RUNX2: variants seen among roughly 807,000 people sequenced by gnomAD.
RUNX2 encodes the protein runt-related transcription factor 2.
RUNX2 carries 10 observed loss-of-function variants against 51.7 expected under a neutral mutation model. That is an observed-to-expected ratio of 0.19 (90% CI 0.12 to 0.33). RUNX2 has a LOEUF of 0.33. Among genes scored for constraint, RUNX2 ranks in the 10% least tolerant of loss-of-function variants. The pLI, the probability that RUNX2 is intolerant of heterozygous loss-of-function variation, is 1.00. For synonymous variants in RUNX2, 276 were observed against 273.6 expected, an observed-to-expected ratio of 1.01 and a Z score of -0.09; for missense variants, 562 against 691.3, an observed-to-expected ratio of 0.81 and a Z score of 2.10.
At position 45,328,784 on chromosome 6, in the gene RUNX2, GGTAA is replaced by G; in HGVS notation, c.58+3_58+6del. The G allele has an allele frequency of 6.2e-7, 1 of 1,611,764 alleles. No homozygotes were observed. The highest frequency in any genetic ancestry group is 8.5e-7 in the Non-Finnish European group (1 of 1,178,472). On this transcript the variant is annotated splice_donor_variant and splice_donor_region_variant and intron_variant, in intron 2 of 8. Coordinates refer to ENST00000647337, the MANE Select transcript of RUNX2 (RefSeq NM_001024630.4). LOFTEE classifies it high-confidence loss of function. ...ACCATGTCAGCAAAACTTCTTTTGGGGTAAGTGTTACCATTTTTAAAATCCTGTA... is the reference window on the plus strand; with the variant it reads ...ACCATGTCAGCAAAACTTCTTTTGGGGTGTTACCATTTTTAAAATCCTGTA...
At chr6:45,368,716 T>C (rs1320581334) in intron 2 of RUNX2, among the ~76,000 whole-genome samples, 1 of 152,164 alleles carries the variant, frequency 6.6e-6, no homozygotes, top group Non-Finnish European at 1.5e-5. Context: ...TCTATATTGC[T>C]GAAGAAAACT....
At position 45,328,463 on chromosome 6, in the gene RUNX2, G is replaced by C; in HGVS notation, c.-67+3G>C. ...AGCCACCGAGACCAACAGAGTCAGT[G>C]AGTGCTCTCTAACCACAGTCTATGC... On this transcript the variant is annotated splice_donor_region_variant and intron_variant, in intron 1 of 8. Coordinates refer to ENST00000647337, the MANE Select transcript of RUNX2 (RefSeq NM_001024630.4). The C allele has an allele frequency of 6.8e-7, 1 of 1,475,134 alleles. No individual in the cohort carries two copies. Among genetic ancestry groups the C allele is most frequent in the Non-Finnish European group, 9.2e-7 (1 of 1,092,248 alleles). 91.4% of individuals were successfully genotyped at this position (1,475,134 alleles called of 1,614,324 possible). A position where few individuals can be genotyped will look rare whatever the true frequency, so the allele number is the denominator to read the frequency against.
intron 5 of RUNX2, among the ~76,000 whole-genome samples, chr6:45,463,433 C>G (rs533822338): frequency 4.6e-5 from 7 of 152,270 alleles, no homozygotes; most frequent in African/African-American, 1.7e-4. Flanking sequence ...CCTTATTATT[C>G]CAAAACAAGG....
intron 2 of RUNX2, among the ~76,000 whole-genome samples, chr6:45,331,550 T>C (rs1268588037): frequency 6.6e-6 from 1 of 151,982 alleles, no homozygotes; most frequent in African/African-American, 2.4e-5. Context: ...CTCTAACACA[T>C]ATCAAAAGCT....
At chr6:45,511,893 A>C (rs1801161551) in intron 6 of RUNX2, among the ~76,000 whole-genome samples, 1 of 152,252 alleles carries the variant, frequency 6.6e-6, no homozygotes, top group South Asian at 2.1e-4. Flanking sequence ...TTTTAGAGAT[A>C]CAGAAAATAA....
At chr6:45,387,301 CA>C (rs1797371258) in intron 2 of RUNX2, among the ~76,000 whole-genome samples, 1 of 152,026 alleles carries the variant, frequency 6.6e-6, no homozygotes, top group Non-Finnish European at 1.5e-5. Context: ...AATATTCAGG[CA>C]AAATAGTCAA....
At chr6:45,336,892 C>A (rs1380523427) in intron 2 of RUNX2, among the ~76,000 whole-genome samples, 1 of 151,482 alleles carries the variant, frequency 6.6e-6, no homozygotes, top group Admixed American at 6.6e-5. Context: ...ATCTTAAATG[C>A]TGTTTTAAAG....
intron 5 of RUNX2, among the ~76,000 whole-genome samples, chr6:45,456,614 A>G (rs1468938508): frequency 3.9e-5 from 6 of 152,202 alleles, no homozygotes. Context: ...CACTCTAAGC[A>G]TGCTTTGAGG....
intron 7 of RUNX2, among the ~76,000 whole-genome samples, chr6:45,520,900 T>C (rs1200826265): frequency 4.6e-5 from 7 of 152,146 alleles, no homozygotes; most frequent in Admixed American, 4.6e-4. Context: ...TTTGTAGTGT[T>C]AGTAGAGACG....
intron 6 of RUNX2, among the ~76,000 whole-genome samples, chr6:45,509,219 G>C (rs1410415151): frequency 1.3e-5 from 2 of 152,162 alleles, no homozygotes; most frequent in Non-Finnish European, 2.9e-5. Context: ...AGCTCCTAAA[G>C]AGAGTCAAAA....
intron 7 of RUNX2, among the ~76,000 whole-genome samples, chr6:45,528,155 A>G (rs1262699510): frequency 6.6e-6 from 1 of 152,138 alleles, no homozygotes; most frequent in Non-Finnish European, 1.5e-5. Context: ...ACCCACCCCC[A>G]TGATTCAGTT....
rs377162628 is a variant in RUNX2 at position 45,499,837 on chromosome 6, AG to A, written c.859+7725del. ...AGCCTGTCTTTAACTCTCCATGCAG[AG>A]GAAGTCTTGATTTTGTTCTCCTATT... On this transcript the variant is annotated intron_variant, in intron 6 of 8. Coordinates refer to ENST00000647337, the MANE Select transcript of RUNX2 (RefSeq NM_001024630.4). 2.1e-4 allele frequency among the ~76,000 whole-genome samples: 32 copies of A among 152,292 alleles called. No individual in the cohort carries two copies. The East Asian group carries it at 6.0e-3, about 28-fold the overall frequency.
intron 6 of RUNX2, among the ~76,000 whole-genome samples, chr6:45,504,383 T>C (rs1800895031): frequency 6.6e-6 from 1 of 152,176 alleles, no homozygotes; most frequent in South Asian, 2.1e-4. Context: ...CCCATTCCCA[T>C]GTTACAGGTG....
intron 4 of RUNX2, among the ~76,000 whole-genome samples, chr6:45,434,792 G>A (rs982226449): frequency 6.6e-6 from 1 of 152,022 alleles, no homozygotes; most frequent in Non-Finnish European, 1.5e-5. Flanking sequence ...CTATTTGAGA[G>A]CCTACATTTT....
Position 45,512,304 on chromosome 6 carries a change from C to T in RUNX2, c.918C>T (p.Tyr306=), listed in dbSNP as rs1356793479. ...CCTATGACCAGTCTTACCCCTCCTA[C>T]CTGAGCCAGATGACGTCCCCGTCCA... is the stretch of plus-strand genomic sequence containing the variant. ...PWSYDQSYPS[Y]LSQMTSPSIH... is the part of the protein sequence containing the mutation. The change falls in exon 7 of 9, where the codon TAC becomes TAT. Residue 306 remains tyrosine, a synonymous_variant. Coordinates refer to ENST00000647337, the MANE Select transcript of RUNX2 (RefSeq NM_001024630.4). The T allele has an allele frequency of 6.2e-7, 1 of 1,614,040 alleles. No individual in the cohort carries two copies. The highest frequency in any genetic ancestry group is 2.2e-5 in the East Asian group (1 of 44,888).
intron 5 of RUNX2, among the ~76,000 whole-genome samples, chr6:45,481,404 C>T (rs1409529576): frequency 6.6e-6 from 1 of 151,776 alleles, no homozygotes; most frequent in East Asian, 1.9e-4. Flanking sequence ...TATAAGTGCT[C>T]GAAACACAAA....
intron 2 of RUNX2, among the ~76,000 whole-genome samples, chr6:45,404,274 A>G (rs867912103): frequency 0.017 from 2,105 of 123,294 alleles, 146 homozygotes; most frequent in African/African-American, 0.057. Flanking sequence ...AAAAAAAAAA[A>G]GAAAAAGAAA....
chr6:45,375,198 A>C (rs1207184484), intron 2 of RUNX2, among the ~76,000 whole-genome samples: 1 of 152,126 alleles, frequency 6.6e-6, no homozygotes, highest in Non-Finnish European at 1.5e-5. Flanking sequence ...CAAGAGTGAA[A>C]CTCCATCTCA....
intron 5 of RUNX2, among the ~76,000 whole-genome samples, chr6:45,478,368 A>G (rs1800017326): frequency 6.6e-6 from 1 of 152,136 alleles, no homozygotes; most frequent in Non-Finnish European, 1.5e-5. Flanking sequence ...CTCTTATTAC[A>G]TTTTGTCCTG....
Sources: gnomAD v4.1 joint callset for allele counts (sites outside exome capture counted in the v4.1 genomes callset) on GRCh38, gnomAD v4.1.1 for gene constraint, MANE v1.5 for transcripts, NCBI Gene and HGNC (gene_info 2026-07-23, HGNC 2026-07-21) for gene names.